Variants in KCTD16 observed in about 807,000 individuals in gnomAD.
KCTD16 encodes the protein BTB/POZ domain-containing protein KCTD16.
In KCTD16, 13 loss-of-function variants were observed where a neutral mutation model predicts 33.2. The observed-to-expected ratio is 0.39, with a 90% CI of 0.25 to 0.62. KCTD16 has a LOEUF of 0.62. Ranked by LOEUF, KCTD16 falls within the 20% of genes least tolerant of loss-of-function variation. KCTD16 has a pLI of 0.50. For synonymous variants in KCTD16, 197 were observed against 195.3 expected (o/e 1.01, Z -0.07); for missense variants, 441 against 525.1 (o/e 0.84, Z 1.57).
intron 3 of KCTD16, among the ~76,000 whole-genome samples, chr5:144,371,660 G>C (rs894559075): frequency 6.6e-6 from 1 of 151,936 alleles, no homozygotes; most frequent in Non-Finnish European, 1.5e-5. Context: ...TTTAGGTTAG[G>C]TTCTGTGGCA....
At chr5:144,263,763 T>C (rs1389303184) in intron 3 of KCTD16, among the ~76,000 whole-genome samples, 1 of 152,224 alleles carries the variant, frequency 6.6e-6, no homozygotes, top group Non-Finnish European at 1.5e-5. Flanking sequence ...GACCATAGAC[T>C]GGGTGGCTTA....
At chr5:144,460,952 G>C (rs912805029) in intron 3 of KCTD16, among the ~76,000 whole-genome samples, 2 of 152,162 alleles carry the variant, frequency 1.3e-5, no homozygotes, top group African/African-American at 4.8e-5. Context: ...TTAAGCCACA[G>C]CTCTTCTCAA....
chr5:144,265,385 C>T (rs1755114976), intron 3 of KCTD16, among the ~76,000 whole-genome samples: 2 of 152,134 alleles, frequency 1.3e-5, no homozygotes, highest in Admixed American at 6.5e-5. Context: ...TTTCTTTATT[C>T]ATAAGGAGAA....
chr5:144,208,591 C>A (rs558304937), intron 3 of KCTD16, among the ~76,000 whole-genome samples: 2 of 152,304 alleles, frequency 1.3e-5, no homozygotes, highest in African/African-American at 4.8e-5. Context: ...TATTCTAAAA[C>A]AAATCCAGAA....
chr5:144,405,191 T>C (rs1404598833), intron 3 of KCTD16, among the ~76,000 whole-genome samples: 1 of 152,234 alleles, frequency 6.6e-6, no homozygotes, highest in African/African-American at 2.4e-5. Context: ...AATCATCTTA[T>C]TATAATTACT....
chr5:144,212,885 G>A (rs762926589), intron 3 of KCTD16, among the ~76,000 whole-genome samples: 40 of 151,926 alleles, frequency 2.6e-4, no homozygotes, highest in Non-Finnish European at 2.4e-4. Flanking sequence ...ATTACCCTTA[G>A]CACAGCAAGA....
Position 144,231,945 on chromosome 5 carries a change from CTG to C in KCTD16, c.832+24403_832+24404del, listed in dbSNP as rs529556361. Among the ~76,000 whole-genome samples, 27 of 152,288 alleles carry C rather than the reference CTG, an allele frequency of 1.8e-4. No homozygotes were observed. The South Asian group carries it at 5.2e-3, about 29-fold the overall frequency. On this transcript the variant is annotated intron_variant, in intron 3 of 3. Transcript: ENST00000512467. ...CACTATCATATTTCATATATCTATA[CTG>C]TGTCATTGGAAGAGCCAAAACAGTA... is the stretch of plus-strand genomic sequence containing the variant.
chr5:144,310,604 AT>A (rs1338626148), intron 3 of KCTD16, among the ~76,000 whole-genome samples: 4 of 151,564 alleles, frequency 2.6e-5, no homozygotes, highest in South Asian at 2.1e-4. Context: ...ATATATATAT[AT>A]TTTTTGATCA....
intron 3 of KCTD16, among the ~76,000 whole-genome samples, chr5:144,375,342 C>T (rs974081684): frequency 3.3e-5 from 5 of 152,150 alleles, no homozygotes; most frequent in Non-Finnish European, 5.9e-5. Context: ...AATAGAATTT[C>T]AGTTGAACAA....
At chr5:144,293,036 T>C (rs1200735389) in intron 3 of KCTD16, among the ~76,000 whole-genome samples, 3 of 152,226 alleles carry the variant, frequency 2.0e-5, no homozygotes, top group Non-Finnish European at 2.9e-5. Context: ...TGCAAATTGT[T>C]ACTTAATTCA....
chr5:144,243,363 T>G lies in KCTD16; in HGVS notation c.832+35817T>G, dbSNP rs147879854. 3.9e-3 allele frequency among the ~76,000 whole-genome samples: 589 copies of G among 152,332 alleles called. 8 individuals are homozygous for G. Among genetic ancestry groups the G allele is most frequent in the South Asian group, 5.6e-3 (27 of 4,822 alleles). The stretch of plus-strand genomic sequence containing the variant: ...AGTCCACACCTAAGGAGAGGGAAGT[T>G]GTGCTCCTCCTCAAGGGGAGAATAT... On this transcript the variant is annotated intron_variant, in intron 3 of 3. Transcript: ENST00000512467.
chr5:144,246,844 T>A (rs1485313986), intron 3 of KCTD16, among the ~76,000 whole-genome samples: 1 of 152,182 alleles, frequency 6.6e-6, no homozygotes, highest in Non-Finnish European at 1.5e-5. Context: ...CACATCATGT[T>A]CTTTCTTGCC....
intron 3 of KCTD16, among the ~76,000 whole-genome samples, chr5:144,411,427 A>G (rs973928657): frequency 6.6e-6 from 1 of 152,186 alleles, no homozygotes; most frequent in Admixed American, 6.5e-5. Flanking sequence ...AGAACATATG[A>G]TAGAGAAAAG....
At chr5:144,444,976 T>C (rs1753789786) in intron 3 of KCTD16, among the ~76,000 whole-genome samples, 1 of 149,898 alleles carries the variant, frequency 6.7e-6, no homozygotes, top group African/African-American at 2.4e-5. Context: ...ATATTACATA[T>C]ATTATATATG....
chr5:144,247,835 T>C (rs1754592574), intron 3 of KCTD16, among the ~76,000 whole-genome samples: 1 of 152,200 alleles, frequency 6.6e-6, no homozygotes. Flanking sequence ...CAACGGTGTC[T>C]TCTCTCTCAG....
intron 3 of KCTD16, among the ~76,000 whole-genome samples, chr5:144,383,958 T>C (rs770308671): frequency 3.9e-5 from 6 of 152,112 alleles, no homozygotes; most frequent in Non-Finnish European, 8.8e-5. Context: ...ATCTTTTTGA[T>C]CAGAAAAACC....
chr5:144,204,113 G>T (rs886750557), intron 2 of KCTD16, among the ~76,000 whole-genome samples: 2 of 152,200 alleles, frequency 1.3e-5, no homozygotes, highest in Admixed American at 1.3e-4. Context: ...TGAAAGAAAA[G>T]ATTGTTAAAG....
At chr5:144,187,170 A>G (rs1752744221) in intron 2 of KCTD16, among the ~76,000 whole-genome samples, 1 of 151,450 alleles carries the variant, frequency 6.6e-6, no homozygotes, top group South Asian at 2.1e-4. Flanking sequence ...TCTTAGACTC[A>G]TTTTTTTTTC....
rs577583910 is a variant in KCTD16 at position 144,349,327 on chromosome 5, C to G, written c.833-124333C>G. Among the ~76,000 whole-genome samples the G allele has an allele frequency of 3.9e-5, 6 of 152,256 alleles. No homozygotes were observed. In the South Asian group the frequency reaches 1.0e-3, roughly 26 times the overall value. The stretch of plus-strand genomic sequence containing the variant: ...TGCCAGCTACATGACCCTGGGCAAG[C>G]TCACCTTTCTGTGCCCCAGTACTGG... On this transcript the variant is annotated intron_variant, in intron 3 of 3. Transcript: ENST00000512467.
Sources: gnomAD v4.1 joint callset for allele counts (sites outside exome capture counted in the v4.1 genomes callset) on GRCh38, gnomAD v4.1.1 for gene constraint, MANE v1.5 for transcripts, NCBI Gene and HGNC (gene_info 2026-07-23, HGNC 2026-07-21) for gene names.